QSOX2: variants seen among roughly 807,000 people sequenced by gnomAD.
QSOX2 encodes the protein quiescin sulfhydryl oxidase 2.
In QSOX2, 46 loss-of-function variants were observed where a neutral mutation model predicts 61.7. The ratio of observed to expected loss-of-function variants is 0.75; its 90% confidence interval spans 0.59 to 0.95. QSOX2 has a LOEUF of 0.95. QSOX2 is among the 40% of genes least tolerant of loss of function. The pLI is 0.00. For synonymous variants in QSOX2, 383 were observed against 388.4 expected, an observed-to-expected ratio of 0.99 and a Z score of 0.16; for missense variants, 879 against 918.9, an observed-to-expected ratio of 0.96 and a Z score of 0.56.
intron 8 of QSOX2, among the ~76,000 whole-genome samples, chr9:136,218,433 G>A (rs1441282258): frequency 6.6e-6 from 1 of 152,192 alleles, no homozygotes; most frequent in Non-Finnish European, 1.5e-5. Context: ...TCCAGCAGGT[G>A]CTCGGCTCAC....
rs1273668138 is a variant in QSOX2, at chr9:136,221,766, G to A, written c.821+30C>T. 11 of 1,563,854 alleles carry A rather than the reference G, an allele frequency of 7.0e-6. No individual in the cohort carries two copies. In the South Asian group the frequency reaches 9.5e-5, roughly 14 times the overall value. On this transcript the variant is annotated intron_variant, in intron 6 of 11. Coordinates refer to ENST00000358701, the MANE Select transcript of QSOX2 (RefSeq NM_181701.4). The surrounding 1 kb of genome is among the most constrained non-coding windows in gnomAD (Gnocchi z 4.5). The stretch of plus-strand genomic sequence containing the variant: ...TCTGTCCGGTAACTCCGAGCGGCAC[G>A]GAGTTCCCAGACCCCACCCGGGCAC...
At chr9:136,211,540 C>T in intron 10 of QSOX2, 88 bp from the exon 11 acceptor site, 1 of 1,388,382 alleles carries the variant, frequency 7.2e-7, no homozygotes, top group South Asian at 1.3e-5. Context: ...GGGGAAACCG[C>T]TCCTGACATG....
rs906707396 is a variant in QSOX2 at position 136,213,887 on chromosome 9, G to A, written c.1360+1267C>T. 7.2e-5 allele frequency among the ~76,000 whole-genome samples: 11 copies of A among 152,274 alleles called. No individual in the cohort carries two copies. In the East Asian group the frequency reaches 9.6e-4, roughly 13 times the overall value. ...CCACCAGACGAAGGCAGACACACAC[G>A]AGTGAGCCCAAGCAGCAACTCACAG... On this transcript the variant is annotated intron_variant, in intron 10 of 11. Coordinates refer to ENST00000358701, the MANE Select transcript of QSOX2 (RefSeq NM_181701.4).
rs200192745 is a variant in QSOX2, at chr9:136,219,169, G to A, written c.822-5C>T. ...AAGGCCCGCAGAGGCTTCACGCTGTGAGAGAGGGGAGGGCAAAGGTGAGAA... is the reference window on the plus strand; with the variant it reads ...AAGGCCCGCAGAGGCTTCACGCTGTAAGAGAGGGGAGGGCAAAGGTGAGAA... On this transcript the variant is annotated splice_polypyrimidine_tract_variant and splice_region_variant and intron_variant, in intron 6 of 11. Transcript: ENST00000358701. The A allele has an allele frequency of 1.2e-6, 2 of 1,611,962 alleles. No individual in the cohort carries two copies. The highest frequency in any genetic ancestry group is 2.2e-5 in the East Asian group (1 of 44,852).
rs748563103 is a variant in QSOX2 at position 136,209,293 on chromosome 9, C to G, written c.1550-18G>C. The G allele has an allele frequency of 1.2e-6, 2 of 1,603,916 alleles. No individual in the cohort carries two copies. Among genetic ancestry groups the G allele is most frequent in the Non-Finnish European group, 1.7e-6 (2 of 1,173,606 alleles). The stretch of plus-strand genomic sequence containing the variant: ...CAGATGGCCTAGGAAGAAAAGGAAG[C>G]GGGAGAGCCAGAGGGAAGGAGGCTT... On this transcript the variant is annotated intron_variant, in intron 11 of 11. Coordinates refer to ENST00000358701, the MANE Select transcript of QSOX2 (RefSeq NM_181701.4). The surrounding 1 kb of genome is among the most constrained non-coding windows in gnomAD (Gnocchi z 5.6).
At chr9:136,232,453 C>T (rs1016376777) in intron 1 of QSOX2, among the ~76,000 whole-genome samples, 1 of 152,056 alleles carries the variant, frequency 6.6e-6, no homozygotes, top group Non-Finnish European at 1.5e-5. Context: ...TAGAAATATA[C>T]AAAAAATTAA....
chr9:136,235,608 C>T lies in QSOX2; in HGVS notation c.329-8734G>A, dbSNP rs895282292. On this transcript the variant is annotated intron_variant, in intron 1 of 11. Transcript: ENST00000358701. ...CTGATGTGCGTGGAGAACTCATAAC[C>T]ACCACGACGTCTGAGTGAAGGAAGA... Among the ~76,000 whole-genome samples, 5 of 152,362 alleles carry T rather than the reference C, an allele frequency of 3.3e-5. No individual in the cohort carries two copies. In the East Asian group the frequency reaches 9.6e-4, roughly 29 times the overall value.
At chr9:136,232,095 G>A (rs963627104) in intron 1 of QSOX2, among the ~76,000 whole-genome samples, 1 of 152,108 alleles carries the variant, frequency 6.6e-6, no homozygotes, top group Non-Finnish European at 1.5e-5. Flanking sequence ...TGGCTTGAAG[G>A]GGAAGGACAC....
At position 136,209,007 on chromosome 9, in the gene QSOX2, G is replaced by T; in HGVS notation, c.1818C>A (p.Thr606=). 6.2e-7 allele frequency: 1 copy of T among 1,613,940 alleles called. No homozygotes were observed. The highest frequency in any genetic ancestry group is 8.5e-7 in the Non-Finnish European group (1 of 1,179,894). ...PPEVSHGDRD[T]QSVRPPGALG... is the part of the protein sequence containing the mutation. ...GTGCACCAGGTGGACGGACGCTCTG[G>T]GTGTCTCGGTCTCCATGGGACACCT... Residue 606 remains threonine, a synonymous_variant, in exon 12 of 12, where the codon ACC becomes ACA. Transcript: ENST00000358701. This position sits in a 1 kb window ranked among gnomAD's most constrained non-coding sequence, Gnocchi z 5.6.
chr9:136,235,249 C>T (rs1830370708), intron 1 of QSOX2, among the ~76,000 whole-genome samples: 2 of 152,216 alleles, frequency 1.3e-5, no homozygotes, highest in South Asian at 2.1e-4. Context: ...GCACAGCACA[C>T]CCCCCGGAGG....
intron 1 of QSOX2, among the ~76,000 whole-genome samples, chr9:136,233,841 G>A (rs537538779): frequency 4.0e-4 from 61 of 152,296 alleles, no homozygotes; most frequent in Non-Finnish European, 6.0e-4. Flanking sequence ...TCTATGACAC[G>A]GACCCTTTTC....
intron 1 of QSOX2, among the ~76,000 whole-genome samples, chr9:136,232,253 A>T (rs1299159310): frequency 6.6e-6 from 1 of 152,184 alleles, no homozygotes; most frequent in Non-Finnish European, 1.5e-5. Flanking sequence ...CGCTTTCCGC[A>T]CAGGGCAGGC....
chr9:136,239,651 C>G (rs1025321771), intron 1 of QSOX2, among the ~76,000 whole-genome samples: 3 of 152,386 alleles, frequency 2.0e-5, no homozygotes, highest in Admixed American at 6.5e-5. Flanking sequence ...GCAGGGGCAG[C>G]ACCTCGACCT....
intron 9 of QSOX2, 114 bp from the exon 10 acceptor site, chr9:136,215,418 A>C (rs1831898009): frequency 2.0e-6 from 2 of 1,015,606 alleles, no homozygotes; most frequent in African/African-American, 1.6e-5. Context: ...GGTGTGGTTT[A>C]CTGAAGCTGT....
At position 136,208,880 on chromosome 9, in the gene QSOX2, CG is replaced by C; in HGVS notation, c.1944del (p.Ala649HisfsTer13). On this transcript the variant is annotated frameshift_variant, in exon 12 of 12. Transcript: ENST00000358701. LOFTEE classifies it high-confidence loss of function. The stretch of plus-strand genomic sequence containing the variant: ...GAGAAGTCAACCCCGAGGAAGGGTG[CG>C]GCCCCGCCCACCTCCTTGTGGGCCC... ...GPGAHKEVGGAAPFLGVDFSS... is the reference protein window; with the variant it reads ...GPGAHKEVGGXAPFLGVDFSS... The C allele has an allele frequency of 6.2e-7, 1 of 1,613,974 alleles. No individual in the cohort carries two copies.
Position 136,208,625 on chromosome 9 carries a change from G to T in QSOX2, c.*103C>A. ...TGCCATCCGATGTGAAACCAGGCCCGCATGTTTATAAAATCCCTGATCATA... is the reference window on the plus strand; with the variant it reads ...TGCCATCCGATGTGAAACCAGGCCCTCATGTTTATAAAATCCCTGATCATA... On this transcript the variant is annotated 3_prime_UTR_variant, in exon 12 of 12. Coordinates refer to ENST00000358701, the MANE Select transcript of QSOX2 (RefSeq NM_181701.4). The T allele has an allele frequency of 7.4e-7, 1 of 1,355,322 alleles. No homozygotes were observed. The highest frequency in any genetic ancestry group is 9.9e-7 in the Non-Finnish European group (1 of 1,014,562). 84.0% of individuals were successfully genotyped at this position (1,355,322 alleles called of 1,614,324 possible).
chr9:136,235,919 A>G (rs939721279), intron 1 of QSOX2, among the ~76,000 whole-genome samples: 1 of 152,234 alleles, frequency 6.6e-6, no homozygotes, highest in Non-Finnish European at 1.5e-5. Context: ...CTCTGGCCTC[A>G]GCTTCGGGAG....
intron 1 of QSOX2, among the ~76,000 whole-genome samples, chr9:136,238,656 T>C (rs935025562): frequency 1.8e-4 from 28 of 152,324 alleles, no homozygotes; most frequent in African/African-American, 6.7e-4. Context: ...CACATCCCAC[T>C]GTGCTCCGCT....
Position 136,226,793 on chromosome 9 carries a change from T to A in QSOX2, c.410A>T (p.His137Leu). ...NQAVCHDYDI[H>L]FYPTFRYFKA... is the part of the protein sequence containing the mutation. Reference sequence around the variant, plus strand: ...ACTCACCCGGAAGGTGGGGTAGAAGTGGATGTCGTAGTCATGGCACACGGC... The same window carrying A: ...ACTCACCCGGAAGGTGGGGTAGAAGAGGATGTCGTAGTCATGGCACACGGC... Residue 137 changes from histidine to leucine, a missense_variant, in exon 2 of 12, where the codon CAC becomes CTC. Coordinates refer to ENST00000358701, the MANE Select transcript of QSOX2 (RefSeq NM_181701.4). 1 of 1,614,038 alleles carries A rather than the reference T, an allele frequency of 6.2e-7. No homozygotes were observed.
Sources: allele counts gnomAD v4.1 joint callset (sites outside exome capture counted in the v4.1 genomes callset), GRCh38; gene constraint gnomAD v4.1.1; non-coding constraint Gnocchi (gnomAD v3.1); transcripts MANE v1.5; gene names NCBI Gene and HGNC (gene_info 2026-07-23, HGNC 2026-07-21).